The following SGCD variants were observed in gnomAD, a reference collection of about 807,000 sequenced individuals.
SGCD encodes sarcoglycan delta.
In SGCD, 18 loss-of-function variants were observed where a neutral mutation model predicts 36.6. The observed-to-expected ratio is 0.49, with a 90% CI of 0.34 to 0.73. The LOEUF (loss-of-function observed/expected upper bound fraction) is 0.73, where lower values mean the gene tolerates loss of function less well. Among genes scored for constraint, SGCD ranks in the 30% least tolerant of loss-of-function variants. The pLI is 0.01. For missense variants in SGCD, 387 were observed against 346.7 expected (o/e 1.12, Z -0.92); for synonymous variants, 133 against 130.6 (o/e 1.02, Z -0.12).
chr5:156,376,486 A>G (rs1770677120), intron 3 of SGCD, among the ~76,000 whole-genome samples: 1 of 152,220 alleles, frequency 6.6e-6, no homozygotes, highest in African/African-American at 2.4e-5. Flanking sequence ...ATAATCATGC[A>G]TATGTAATTT....
chr5:156,467,899 G>A (rs552023849), intron 3 of SGCD, among the ~76,000 whole-genome samples: 7 of 152,342 alleles, frequency 4.6e-5, no homozygotes, highest in African/African-American at 1.7e-4. Context: ...AGCTTTGTTG[G>A]AAGTGTATGT....
chr5:156,229,286 A>ATATATATATATATATGTGTG lies in SGCD; in HGVS notation c.-43-100234_-43-100233insTGTGTGTATATATATATATA, dbSNP rs1229174444. The stretch of plus-strand genomic sequence containing the variant: ...CATATATATATACATACATATATAT[A>ATATATATATATATATGTGTG]TATATATATATATAAAATTAGTTCT... On this transcript the variant is annotated intron_variant, in intron 3 of 9. Coordinates refer to the SGCD transcript ENST00000517913. Among the ~76,000 whole-genome samples the ATATATATATATATATGTGTG allele has an allele frequency of 7.7e-3, 855 of 110,406 alleles. 54 individuals carry two copies. Among genetic ancestry groups the ATATATATATATATATGTGTG allele is most frequent in the African/African-American group, 0.033 (814 of 24,598 alleles). 72.4% of individuals were successfully genotyped at this position (110,406 alleles called of 152,430 possible).
intron 3 of SGCD, among the ~76,000 whole-genome samples, chr5:156,487,571 C>A (rs1469893768): frequency 6.6e-6 from 1 of 151,738 alleles, no homozygotes; most frequent in African/African-American, 2.4e-5. Flanking sequence ...GGGTGGATCA[C>A]GAGGTCAGAA....
rs76705367 is a variant in SGCD at position 156,676,336 on chromosome 5, A to G, written c.575+28800A>G. On this transcript the variant is annotated intron_variant, in intron 7 of 8. Transcript: ENST00000337851. ...CCAGACTAACCTATAAGATAAAGTG[A>G]CTGCTGTGTTTTCTTCCAGGAATAT... 5.3e-5 allele frequency among the ~76,000 whole-genome samples: 8 copies of G among 152,190 alleles called. No homozygotes were observed. The East Asian group carries it at 1.2e-3, about 22-fold the overall frequency.
In SGCD at chr5:156,451,233, C is replaced by T. The variant is rs567965900; in HGVS notation, c.193-57368C>T. 6.8e-4 allele frequency among the ~76,000 whole-genome samples: 104 copies of T among 152,204 alleles called. 1 individual carries two copies. Among genetic ancestry groups the T allele is most frequent in the African/African-American group, 2.4e-3 (100 of 41,540 alleles). The stretch of plus-strand genomic sequence containing the variant: ...AGGCATTTAACAATGTCTCTTATTA[C>T]ATACTTGTGGACAAGATGGAGAAAT... On this transcript the variant is annotated intron_variant, in intron 3 of 8. Coordinates refer to ENST00000337851, the MANE Select transcript of SGCD (RefSeq NM_000337.6).
At chr5:156,606,515 A>G (rs916507982) in intron 6 of SGCD, among the ~76,000 whole-genome samples, 1 of 152,128 alleles carries the variant, frequency 6.6e-6, no homozygotes, top group African/African-American at 2.4e-5. Context: ...CTTAGGATTG[A>G]CTTGGCAATG....
chr5:156,564,325 C>T (rs1759388469), intron 4 of SGCD, among the ~76,000 whole-genome samples: 3 of 152,060 alleles, frequency 2.0e-5, no homozygotes, highest in African/African-American at 7.2e-5. Flanking sequence ...TGGCAGGTGC[C>T]TGTAGTCTCA....
intron 3 of SGCD, among the ~76,000 whole-genome samples, chr5:156,349,422 A>T (rs1052920914): frequency 6.6e-6 from 1 of 151,870 alleles, no homozygotes; most frequent in Non-Finnish European, 1.5e-5. Flanking sequence ...TGATCTCATT[A>T]AAAAGTGGGC....
intron 1 of SGCD, among the ~76,000 whole-genome samples, chr5:155,983,251 A>C (rs1758264888): frequency 6.6e-6 from 1 of 152,200 alleles, no homozygotes; most frequent in African/African-American, 2.4e-5. Flanking sequence ...GAGAACACTG[A>C]GTTTTAACAG....
At chr5:155,884,580 G>GA (rs1436033441) in intron 1 of SGCD, among the ~76,000 whole-genome samples, 2 of 152,186 alleles carry the variant, frequency 1.3e-5, no homozygotes, top group African/African-American at 4.8e-5. Context: ...GACCTATCAA[G>GA]AATTTCTTGA....
In SGCD at chr5:156,483,323, AT is replaced by A. The variant is rs993175549; in HGVS notation, c.193-25275del. Reference sequence around the variant, plus strand: ...TCCTTTGCTTAGGTGCATGTTCAATATTTAACAGGTGTCAGACTGAGACATT... The same window carrying A: ...TCCTTTGCTTAGGTGCATGTTCAATATTAACAGGTGTCAGACTGAGACATT... On this transcript the variant is annotated intron_variant, in intron 3 of 8. Coordinates refer to ENST00000337851, the MANE Select transcript of SGCD (RefSeq NM_000337.6). 1.2e-3 allele frequency among the ~76,000 whole-genome samples: 178 copies of A among 152,290 alleles called. 1 individual carries two copies. The highest frequency in any genetic ancestry group is 4.2e-3 in the African/African-American group (173 of 41,560).
intron 7 of SGCD, among the ~76,000 whole-genome samples, chr5:156,696,159 G>A (rs928630076): frequency 1.4e-4 from 21 of 152,114 alleles, no homozygotes; most frequent in Non-Finnish European, 1.9e-4. Context: ...CCACTCAGTC[G>A]TTGCTACTCA....
intron 7 of SGCD, among the ~76,000 whole-genome samples, chr5:156,668,044 T>A (rs943621523): frequency 1.3e-5 from 2 of 152,228 alleles, no homozygotes; most frequent in Admixed American, 6.5e-5. Context: ...CATTGAACTA[T>A]GTGAACATAT....
chr5:156,018,334 T>C (rs1010255844), intron 1 of SGCD, among the ~76,000 whole-genome samples: 3 of 152,212 alleles, frequency 2.0e-5, no homozygotes, highest in African/African-American at 7.2e-5. Context: ...AAAATTAAGT[T>C]TTATAACTAC....
At chr5:156,619,742 T>G (rs1009964585) in intron 6 of SGCD, among the ~76,000 whole-genome samples, 3 of 152,190 alleles carry the variant, frequency 2.0e-5, no homozygotes, top group African/African-American at 4.8e-5. Context: ...GTGCACAGAA[T>G]AGGGAAGGAA....
At chr5:155,957,235 C>A (rs749865491) in intron 1 of SGCD, among the ~76,000 whole-genome samples, 3 of 151,964 alleles carry the variant, frequency 2.0e-5, no homozygotes, top group Non-Finnish European at 2.9e-5. Flanking sequence ...GGTTGTAATG[C>A]GCTGCTCAGA....
chr5:156,248,603 A>G (rs997373035), intron 3 of SGCD, among the ~76,000 whole-genome samples: 1 of 152,092 alleles, frequency 6.6e-6, no homozygotes, highest in Non-Finnish European at 1.5e-5. Flanking sequence ...AGACAAGTAG[A>G]AGCTACCTCA....
chr5:155,740,616 G>A, the SGCD span, among the ~76,000 whole-genome samples: 1 of 152,134 alleles, frequency 6.6e-6, no homozygotes, highest in Non-Finnish European at 1.5e-5. Context: ...CGTACAGTAT[G>A]GCTTGATGCT....
the SGCD span, among the ~76,000 whole-genome samples, chr5:155,756,735 G>A: frequency 6.6e-6 from 1 of 152,162 alleles, no homozygotes; most frequent in East Asian, 1.9e-4. Context: ...GTGTTTTGCA[G>A]GTATGGCTCA....
Sources: gnomAD v4.1 joint callset for allele counts (sites outside exome capture counted in the v4.1 genomes callset) on GRCh38, gnomAD v4.1.1 for gene constraint, MANE v1.5 for transcripts, NCBI Gene and HGNC (gene_info 2026-07-23, HGNC 2026-07-21) for gene names.